SPATA17: variants seen among roughly 807,000 people sequenced by gnomAD.
The protein encoded by SPATA17 is spermatogenesis-associated protein 17.
Under a neutral mutation model 62.2 loss-of-function variants are expected in SPATA17, and 53 were observed. That is an observed-to-expected ratio of 0.85 (90% confidence interval 0.68 to 1.07). The LOEUF (loss-of-function observed/expected upper bound fraction) is 1.07, where lower values mean the gene tolerates loss of function less well. Ranked by LOEUF, SPATA17 falls within the 50% of genes least tolerant of loss-of-function variation. The probability of loss-of-function intolerance (pLI) is 0.00; values close to 1 mark genes in which losing one functional copy is unlikely to be tolerated. For synonymous variants in SPATA17, 146 were observed against 146.8 expected, an observed-to-expected ratio of 0.99 and a Z score of 0.04; for missense variants, 466 against 425.5, an observed-to-expected ratio of 1.10 and a Z score of -0.84.
chr1:217,728,971 A>G (rs1312024359), intron 5 of SPATA17, among the ~76,000 whole-genome samples: 2 of 152,198 alleles, frequency 1.3e-5, no homozygotes, highest in Non-Finnish European at 2.9e-5. Context: ...GTTCACTCCA[A>G]TAATTCTGTG....
intron 9 of SPATA17, among the ~76,000 whole-genome samples, chr1:217,858,614 G>GC (rs1280455441): frequency 6.6e-6 from 1 of 152,160 alleles, no homozygotes; most frequent in Admixed American, 6.5e-5. Context: ...TTAAAATAAA[G>GC]CTGGGCATGG....
intron 6 of SPATA17, among the ~76,000 whole-genome samples, chr1:217,746,149 C>G (rs1672745402): frequency 6.6e-6 from 1 of 151,760 alleles, no homozygotes; most frequent in East Asian, 1.9e-4. Context: ...CAAATAAAAG[C>G]CAAATAAGAA....
chr1:217,667,246 A>G (rs918907819), intron 3 of SPATA17, among the ~76,000 whole-genome samples: 1 of 151,678 alleles, frequency 6.6e-6, no homozygotes, highest in Admixed American at 6.6e-5. Flanking sequence ...ACGGGGTTTC[A>G]CCATGTTGGC....
Position 217,783,244 on chromosome 1 carries a change from T to C in SPATA17, c.872+922T>C, listed in dbSNP as rs1259266174. 5.9e-5 allele frequency among the ~76,000 whole-genome samples: 9 copies of C among 151,770 alleles called. 1 individual carries two copies. The South Asian group carries it at 1.7e-3, about 28-fold the overall frequency. ...AGAAGGAAATTAGAATTACCTCTTA[T>C]CCATTTTAGTGGATTTTGGATTATT... is the stretch of plus-strand genomic sequence containing the variant. On this transcript the variant is annotated intron_variant, in intron 8 of 10. Coordinates refer to ENST00000366933, the MANE Select transcript of SPATA17 (RefSeq NM_138796.4).
chr1:217,869,438 T>G lies in SPATA17; in HGVS notation c.*2419T>G, dbSNP rs1676085602. 1 of 152,126 alleles carries G rather than the reference T, an allele frequency of 6.6e-6. No individual in the cohort carries two copies. Among genetic ancestry groups the G allele is most frequent in the African/African-American group, 2.4e-5 (1 of 41,440 alleles). 9.4% of individuals were successfully genotyped at this position (152,126 alleles called of 1,614,324 possible). On this transcript the variant is annotated 3_prime_UTR_variant, in exon 11 of 11. Coordinates refer to ENST00000366933, the MANE Select transcript of SPATA17 (RefSeq NM_138796.4). ...TATCTGACTTAAAAAGGTGTCAGAC[T>G]CTTAGTAAATTATCTCCTGGATCAG...
At chr1:217,823,515 C>T (rs754075734) in intron 9 of SPATA17, among the ~76,000 whole-genome samples, 60 of 151,908 alleles carry the variant, frequency 3.9e-4, no homozygotes, top group Non-Finnish European at 7.5e-4. Context: ...ACTCTGTGGA[C>T]AAGGAAATGC....
In SPATA17 at chr1:217,868,862, GGTAGACACGGGTTTTTACCATGTTGT is replaced by G. The variant is rs1006218623; in HGVS notation, c.*1845_*1870del. The G allele has an allele frequency of 1.3e-5, 2 of 151,680 alleles. No individual in the cohort carries two copies. The highest frequency in any genetic ancestry group is 2.9e-5 in the Non-Finnish European group (2 of 67,970). The allele number at this position is 151,680 out of a possible 1,614,324, so 9.4% of individuals were successfully genotyped here. A position where few individuals can be genotyped will look rare whatever the true frequency, so the allele number is the denominator to read the frequency against. ...GCCTGGCTAAATATTTTGTACTTTTGGTAGACACGGGTTTTTACCATGTTGTGCAGGCTGGTCTTGAACGCCTGAGC... is the reference window on the plus strand; with the variant it reads ...GCCTGGCTAAATATTTTGTACTTTTGGCAGGCTGGTCTTGAACGCCTGAGC... On this transcript the variant is annotated 3_prime_UTR_variant, in exon 11 of 11. Coordinates refer to ENST00000366933, the MANE Select transcript of SPATA17 (RefSeq NM_138796.4).
chr1:217,784,148 T>C (rs1295049301), intron 8 of SPATA17, among the ~76,000 whole-genome samples: 1 of 152,164 alleles, frequency 6.6e-6, no homozygotes, highest in Non-Finnish European at 1.5e-5. Flanking sequence ...TAATGCATTA[T>C]TTTATCCTAT....
intron 3 of SPATA17, among the ~76,000 whole-genome samples, chr1:217,662,486 A>T (rs553914937): frequency 6.6e-6 from 1 of 152,282 alleles, no homozygotes; most frequent in South Asian, 2.1e-4. Context: ...TATTCAAATT[A>T]TAAAAATAAC....
intron 9 of SPATA17, among the ~76,000 whole-genome samples, chr1:217,821,554 G>C (rs1674862931): frequency 6.6e-6 from 1 of 152,062 alleles, no homozygotes. Flanking sequence ...CAATATGGGA[G>C]ACTAGAGTTG....
intron 6 of SPATA17, 32 bp from the exon 7 acceptor site, chr1:217,774,302 G>T: frequency 1.3e-6 from 2 of 1,574,698 alleles, no homozygotes; most frequent in South Asian, 2.3e-5. Flanking sequence ...GAAAATTAAA[G>T]AAAAAATCAA....
intron 9 of SPATA17, among the ~76,000 whole-genome samples, chr1:217,841,378 T>C (rs1231156056): frequency 6.6e-6 from 1 of 152,066 alleles, no homozygotes; most frequent in Non-Finnish European, 1.5e-5. Flanking sequence ...CTAAAAATTA[T>C]ATCACAGTTT....
intron 8 of SPATA17, among the ~76,000 whole-genome samples, chr1:217,798,400 T>A (rs1674210075): frequency 6.6e-6 from 1 of 152,234 alleles, no homozygotes; most frequent in South Asian, 2.1e-4. Context: ...ACTTTGAGAA[T>A]AAGAAAAAGT....
chr1:217,738,222 A>C (rs563311762), intron 5 of SPATA17, among the ~76,000 whole-genome samples: 3 of 152,092 alleles, frequency 2.0e-5, no homozygotes, highest in East Asian at 3.9e-4. Flanking sequence ...GGAGAAATTT[A>C]TTTGCATGGT....
At chr1:217,835,567 C>A (rs1675241705) in intron 9 of SPATA17, among the ~76,000 whole-genome samples, 1 of 152,074 alleles carries the variant, frequency 6.6e-6, no homozygotes, top group Non-Finnish European at 1.5e-5. Flanking sequence ...CATTGAATAA[C>A]CATAGTGCAT....
At chr1:217,657,533 C>T (rs899153381) in intron 3 of SPATA17, among the ~76,000 whole-genome samples, 5 of 152,174 alleles carry the variant, frequency 3.3e-5, no homozygotes, top group Admixed American at 6.5e-5. Context: ...CTGTTTGAAC[C>T]TCTGCACTGT....
chr1:217,798,543 G>T (rs959003227), intron 8 of SPATA17, among the ~76,000 whole-genome samples: 1 of 152,136 alleles, frequency 6.6e-6, no homozygotes, highest in Admixed American at 6.6e-5. Flanking sequence ...TCAGACTTCT[G>T]TGGGCATCAA....
At chr1:217,793,313 C>T (rs770403518) in intron 8 of SPATA17, among the ~76,000 whole-genome samples, 16 of 146,734 alleles carry the variant, frequency 1.1e-4, no homozygotes, top group African/African-American at 1.5e-4. Context: ...CTCCGCCTTC[C>T]GGGTTGATGC....
intron 9 of SPATA17, among the ~76,000 whole-genome samples, chr1:217,815,066 G>C (rs1271936668): frequency 6.6e-6 from 1 of 152,056 alleles, no homozygotes; most frequent in African/African-American, 2.4e-5. Context: ...AGGAAACTGA[G>C]CCAAGATATC....
Sources: gnomAD v4.1 joint callset for allele counts (sites outside exome capture counted in the v4.1 genomes callset) on GRCh38, gnomAD v4.1.1 for gene constraint, MANE v1.5 for transcripts, NCBI Gene and HGNC (gene_info 2026-07-23, HGNC 2026-07-21) for gene names.